The following RAD54B variants were observed in gnomAD, a reference collection of about 807,000 sequenced individuals.
RAD54B encodes the protein RAD54 homolog B.
Under a neutral mutation model 95.8 loss-of-function variants are expected in RAD54B, and 78 were observed. That is an observed-to-expected ratio of 0.81 (90% CI 0.68 to 0.98). The LOEUF (loss-of-function observed/expected upper bound fraction) is 0.98. RAD54B is among the 50% of genes least tolerant of loss of function. The pLI is 0.00. For missense variants in RAD54B, 957 were observed against 1,056.6 expected (o/e 0.91, Z 1.31); for synonymous variants, 328 against 354.9 (o/e 0.92, Z 0.85).
At chr8:94,400,079 A>C (rs1172576466) in intron 7 of RAD54B, among the ~76,000 whole-genome samples, 159 bp downstream of exon 7, 1 of 152,162 alleles carries the variant, frequency 6.6e-6, no homozygotes, top group East Asian at 1.9e-4. Flanking sequence ...AATCTGGGGG[A>C]CACAAACATT....
intron 6 of RAD54B, among the ~76,000 whole-genome samples, chr8:94,403,583 G>C (rs1223409916): frequency 6.6e-6 from 1 of 151,684 alleles, no homozygotes; most frequent in Non-Finnish European, 1.5e-5. Flanking sequence ...AGGCTGAGAT[G>C]CAAGAATCAC....
intron 3 of RAD54B, chr8:94,432,529 A>C: frequency 6.4e-7 from 1 of 1,550,666 alleles, no homozygotes; most frequent in Middle Eastern, 1.7e-4. Context: ...TGAGAATTTA[A>C]AACCAGTGGA....
intron 3 of RAD54B, among the ~76,000 whole-genome samples, chr8:94,413,602 G>C (rs1287651388): frequency 1.3e-5 from 2 of 151,962 alleles, no homozygotes; most frequent in African/African-American, 4.8e-5. Context: ...ATCTCTAATA[G>C]AAAACACAGG....
intron 3 of RAD54B, among the ~76,000 whole-genome samples, chr8:94,419,089 G>A (rs1811740149): frequency 6.6e-6 from 1 of 152,072 alleles, no homozygotes; most frequent in Non-Finnish European, 1.5e-5. Flanking sequence ...GTTTTAATCT[G>A]ACCAGAAAAC....
chr8:94,417,785 C>T (rs963580433), intron 3 of RAD54B, among the ~76,000 whole-genome samples: 1 of 152,072 alleles, frequency 6.6e-6, no homozygotes, highest in African/African-American at 2.4e-5. Context: ...TACTAGAATT[C>T]AGATAAATTG....
intron 3 of RAD54B, among the ~76,000 whole-genome samples, chr8:94,414,868 G>A (rs572904875): frequency 6.6e-6 from 1 of 152,150 alleles, no homozygotes; most frequent in South Asian, 2.1e-4. Flanking sequence ...AATAAAAGAG[G>A]ATACAAACAA....
At chr8:94,399,349 T>C in intron 8 of RAD54B, 65 bp downstream of exon 8, 1 of 1,240,566 alleles carries the variant, frequency 8.1e-7, no homozygotes, top group South Asian at 1.2e-5. Context: ...TTAAGCATCA[T>C]AGTACAAGTC....
intron 3 of RAD54B, among the ~76,000 whole-genome samples, chr8:94,435,759 TCCTTGC>T (rs3136406): frequency 0.033 from 5,027 of 152,122 alleles, 104 homozygotes; most frequent in Non-Finnish European, 0.049. Context: ...TAATTTGATA[TCCTTGC>T]AAAGCAGTAA....
intron 3 of RAD54B, among the ~76,000 whole-genome samples, chr8:94,440,825 T>C (rs1383239825): frequency 6.6e-6 from 1 of 152,138 alleles, no homozygotes; most frequent in Non-Finnish European, 1.5e-5. Flanking sequence ...ACAAACCCCA[T>C]GGCCCCACCT....
chr8:94,418,753 A>G (rs1341651645), intron 3 of RAD54B, among the ~76,000 whole-genome samples: 5 of 152,156 alleles, frequency 3.3e-5, no homozygotes, highest in Non-Finnish European at 1.5e-5. Flanking sequence ...CATTCAGCAT[A>G]ATGTCTTTGG....
chr8:94,415,721 AC>A (rs1363044454), intron 3 of RAD54B, among the ~76,000 whole-genome samples: 2 of 147,600 alleles, frequency 1.4e-5, no homozygotes, highest in Non-Finnish European at 3.0e-5. Flanking sequence ...ATGAACAGAC[AC>A]TTCTCAAAAG....
At chr8:94,406,265 A>T (rs957376412) in intron 5 of RAD54B, among the ~76,000 whole-genome samples, 3 of 152,152 alleles carry the variant, frequency 2.0e-5, no homozygotes, top group African/African-American at 7.2e-5. Flanking sequence ...CAGTTAGTTC[A>T]GTGGCAAAAC....
At chr8:94,453,908 C>T (rs1200204334) in intron 3 of RAD54B, among the ~76,000 whole-genome samples, 2 of 152,086 alleles carry the variant, frequency 1.3e-5, no homozygotes, top group African/African-American at 4.8e-5. Flanking sequence ...TCTCTGGCCT[C>T]AGCCTCCCAA....
chr8:94,386,066 A>G (rs1317055171), intron 11 of RAD54B, among the ~76,000 whole-genome samples: 4 of 152,234 alleles, frequency 2.6e-5, no homozygotes, highest in Non-Finnish European at 5.9e-5. Context: ...TAGAAATATA[A>G]TTCAGGGCAA....
chr8:94,418,027 C>G lies in RAD54B; in HGVS notation c.305-6712G>C, dbSNP rs983742571. 6.6e-5 allele frequency among the ~76,000 whole-genome samples: 10 copies of G among 152,346 alleles called. No individual in the cohort carries two copies. In the East Asian group the frequency reaches 1.2e-3, roughly 18 times the overall value. ...AAGACAAAGGACTTAAGTGCAGCTCCTCCAGTTTTCTGACCTTCCTTCCCT... is the reference window on the plus strand; with the variant it reads ...AAGACAAAGGACTTAAGTGCAGCTCGTCCAGTTTTCTGACCTTCCTTCCCT... On this transcript the variant is annotated intron_variant, in intron 3 of 14. Transcript: ENST00000336148.
At chr8:94,429,525 C>T (rs1425688371) in intron 3 of RAD54B, 1 of 984,566 alleles carries the variant, frequency 1.0e-6, no homozygotes, top group Non-Finnish European at 1.2e-6. Flanking sequence ...TTCTTAGTAG[C>T]ATGCTGAAAC....
At chr8:94,459,180 T>C (rs1027815034) in intron 2 of RAD54B, among the ~76,000 whole-genome samples, 1 of 152,084 alleles carries the variant, frequency 6.6e-6, no homozygotes, top group Admixed American at 6.5e-5. Flanking sequence ...AGATGGGGTC[T>C]CGGTCTGGTA....
At chr8:94,448,343 G>A (rs1200192654) in intron 3 of RAD54B, among the ~76,000 whole-genome samples, 5 of 152,150 alleles carry the variant, frequency 3.3e-5, no homozygotes, top group African/African-American at 1.2e-4. Flanking sequence ...GTTGGCAAGG[G>A]TGTGGAGAAC....
rs920269773 is a variant in RAD54B at position 94,378,591 on chromosome 8, T to C, written c.2291A>G (p.His764Arg). 2 of 1,608,898 alleles carry C rather than the reference T, an allele frequency of 1.2e-6. No individual in the cohort carries two copies. Among genetic ancestry groups the C allele is most frequent in the African/African-American group, 1.3e-5 (1 of 74,692 alleles). The change falls in exon 13 of 15, where the codon CAT becomes CGT. Residue 764 changes from histidine (H) to arginine (R), a missense_variant. By Grantham distance (29) the His-to-Arg change is conservative. Transcript: ENST00000336148. Reference protein sequence around the residue: ...VWRDGQKYPVHIYRLLTTGTI... With the variant: ...VWRDGQKYPVRIYRLLTTGTI... Reference sequence around the variant, plus strand: ...ACCTGTAGTTAGGAGTCTGTAAATATGTACAGGATATTTCTGACCATCTCT... The same window carrying C: ...ACCTGTAGTTAGGAGTCTGTAAATACGTACAGGATATTTCTGACCATCTCT...
Sources: allele counts gnomAD v4.1 joint callset (sites outside exome capture counted in the v4.1 genomes callset), GRCh38; gene constraint gnomAD v4.1.1; transcripts MANE v1.5; gene names NCBI Gene and HGNC (gene_info 2026-07-23, HGNC 2026-07-21).